The following TRIO variants were observed in gnomAD, a reference collection of about 807,000 sequenced individuals.
TRIO encodes trio Rho guanine nucleotide exchange factor.
In TRIO, 58 loss-of-function variants were observed where a neutral mutation model predicts 351.9. The observed-to-expected ratio is 0.16, with a 90% CI of 0.13 to 0.21. The LOEUF (loss-of-function observed/expected upper bound fraction) is 0.21, where lower values mean the gene tolerates loss of function less well. TRIO is among the 10% of genes least tolerant of loss of function. The probability of loss-of-function intolerance (pLI) is 1.00; values close to 1 mark genes in which losing one functional copy is unlikely to be tolerated. For synonymous variants in TRIO, 1,758 were observed against 1,595.7 expected, an observed-to-expected ratio of 1.10 and a Z score of -2.42; for missense variants, 3,201 against 4,027.8, an observed-to-expected ratio of 0.79 and a Z score of 5.56.
chr5:14,200,445 T>G (rs1387180817), intron 1 of TRIO, among the ~76,000 whole-genome samples: 7 of 152,252 alleles, frequency 4.6e-5, no homozygotes, highest in Non-Finnish European at 8.8e-5. Context: ...GTCTCCCCTG[T>G]AAGACAGGCA....
In TRIO at chr5:14,488,144, A is replaced by T; in HGVS notation, c.7516A>T (p.Ser2506Cys). The stretch of plus-strand genomic sequence containing the variant: ...CGGCTCCTTCACCTTCCCGGGGGAC[A>T]GCGACTCCCTCCAGCGGCAGACACC... ...RPGSFTFPGD[S>C]DSLQRQTPRH... Residue 2506 changes from serine (S) to cysteine (C), a missense_variant, in exon 48 of 57, where the codon AGC becomes TGC. Coordinates refer to ENST00000344204, the MANE Select transcript of TRIO (RefSeq NM_007118.4). The T allele has an allele frequency of 6.2e-7, 1 of 1,607,450 alleles. No individual in the cohort carries two copies. The highest frequency in any genetic ancestry group is 8.5e-7 in the Non-Finnish European group (1 of 1,179,440).
chr5:14,406,966 T>C (rs1026967845), intron 33 of TRIO, among the ~76,000 whole-genome samples: 2 of 152,118 alleles, frequency 1.3e-5, no homozygotes, highest in Non-Finnish European at 2.9e-5. Context: ...TTTAATCTTA[T>C]TCCTAAGCAG....
At chr5:14,343,855 A>C (rs1343917376) in intron 11 of TRIO, among the ~76,000 whole-genome samples, 2 of 152,228 alleles carry the variant, frequency 1.3e-5, no homozygotes, top group African/African-American at 2.4e-5. Context: ...TGTTTTCCAG[A>C]ATGAGCGTAC....
chr5:14,310,116 A>G (rs1340085318), intron 8 of TRIO, among the ~76,000 whole-genome samples: 2 of 152,248 alleles, frequency 1.3e-5, no homozygotes, highest in African/African-American at 4.8e-5. Flanking sequence ...CTTGTTGGCT[A>G]CAGTTGATCA....
chr5:14,476,132 A>G (rs1326342659), intron 40 of TRIO, among the ~76,000 whole-genome samples: 1 of 152,258 alleles, frequency 6.6e-6, no homozygotes, highest in Admixed American at 6.5e-5. Flanking sequence ...TTAGTTTTGT[A>G]TATCTGCTGT....
chr5:14,209,594 C>T (rs1791756215), intron 1 of TRIO, among the ~76,000 whole-genome samples: 1 of 152,156 alleles, frequency 6.6e-6, no homozygotes, highest in Non-Finnish European at 1.5e-5. Context: ...CTTGAGTTGA[C>T]TCTTCTGTAT....
chr5:14,303,906 G>A (rs1738140170), intron 7 of TRIO, among the ~76,000 whole-genome samples: 1 of 152,146 alleles, frequency 6.6e-6, no homozygotes, highest in Non-Finnish European at 1.5e-5. Flanking sequence ...AATTTCCTTT[G>A]AAACAGTAGC....
Position 14,378,031 on chromosome 5 carries a change from C to G in TRIO, c.3351C>G (p.Phe1117Leu). 6.2e-7 allele frequency: 1 copy of G among 1,612,830 alleles called. No individual in the cohort carries two copies. The highest frequency in any genetic ancestry group is 8.5e-7 in the Non-Finnish European group (1 of 1,179,508). Residue 1117 changes from phenylalanine to leucine, a missense_variant, in exon 20 of 57, where the codon TTC becomes TTG. Coordinates refer to ENST00000344204, the MANE Select transcript of TRIO (RefSeq NM_007118.4). Reference protein sequence around the residue: ...QQVKNILNELFQRENRVLHYW... With the variant: ...QQVKNILNELLQRENRVLHYW... ...TCTCAGATATCTTGAATGAACTCTT[C>G]CAACGGGAGAACAGGGTATTGCATT...
intron 34 of TRIO, among the ~76,000 whole-genome samples, chr5:14,442,861 T>C (rs114105546): frequency 1.4e-4 from 21 of 152,328 alleles, no homozygotes; most frequent in Non-Finnish European, 2.5e-4. Flanking sequence ...TTACCTTCTC[T>C]CTCTGAACTT....
At chr5:14,435,396 T>C (rs1324028477) in intron 34 of TRIO, among the ~76,000 whole-genome samples, 1 of 152,182 alleles carries the variant, frequency 6.6e-6, no homozygotes, top group Non-Finnish European at 1.5e-5. Context: ...AGGGACCCCC[T>C]TTCACCTCAC....
At chr5:14,174,756 C>G (rs768992729) in intron 1 of TRIO, among the ~76,000 whole-genome samples, 8 of 152,172 alleles carry the variant, frequency 5.3e-5, no homozygotes, top group Non-Finnish European at 7.3e-5. Flanking sequence ...GGATTTTAGT[C>G]TACAGTCGAG....
intron 34 of TRIO, among the ~76,000 whole-genome samples, chr5:14,457,052 T>A (rs1753366615): frequency 6.6e-6 from 1 of 151,944 alleles, no homozygotes; most frequent in Non-Finnish European, 1.5e-5. Flanking sequence ...CCAGAGAGAG[T>A]CAAATAGCAT....
intron 21 of TRIO, among the ~76,000 whole-genome samples, chr5:14,384,230 C>T (rs760689897): frequency 3.3e-5 from 5 of 152,208 alleles, no homozygotes; most frequent in South Asian, 4.1e-4. Flanking sequence ...GCCTTACTGA[C>T]GCCACAGCCT....
intron 11 of TRIO, among the ~76,000 whole-genome samples, chr5:14,348,519 ATG>A (rs1311664401): frequency 2.6e-5 from 4 of 152,260 alleles, no homozygotes; most frequent in African/African-American, 9.6e-5. Flanking sequence ...GCACGTGAGG[ATG>A]TGTTTTTCCT....
chr5:14,328,199 G>T (rs901721719), intron 9 of TRIO, among the ~76,000 whole-genome samples: 1 of 152,010 alleles, frequency 6.6e-6, no homozygotes, highest in East Asian at 1.9e-4. Flanking sequence ...TTAAAACAAC[G>T]CGCTCAATAC....
intron 1 of TRIO, among the ~76,000 whole-genome samples, chr5:14,156,016 A>G (rs566806313): frequency 9.6e-4 from 146 of 152,214 alleles, no homozygotes; most frequent in Admixed American, 2.0e-3. Context: ...AGCTTTCCTT[A>G]TCTTCCACTT....
chr5:14,450,162 C>T (rs960139040), intron 34 of TRIO, among the ~76,000 whole-genome samples: 3 of 152,154 alleles, frequency 2.0e-5, no homozygotes, highest in African/African-American at 7.2e-5. Context: ...GTGAGATCGA[C>T]GCGGCCGGCC....
intron 11 of TRIO, among the ~76,000 whole-genome samples, chr5:14,339,489 T>G (rs1398273691): frequency 6.6e-6 from 1 of 152,222 alleles, no homozygotes. Context: ...AAGGACTAAG[T>G]GGTTCACTTT....
At chr5:14,285,710 T>A (rs2152280791) in intron 3 of TRIO, among the ~76,000 whole-genome samples, 1 of 152,304 alleles carries the variant, frequency 6.6e-6, no homozygotes, top group Non-Finnish European at 1.5e-5. Flanking sequence ...CAGAAAAATG[T>A]CAAATGTCTT....
Sources: gnomAD v4.1 joint callset for allele counts (sites outside exome capture counted in the v4.1 genomes callset) on GRCh38, gnomAD v4.1.1 for gene constraint, MANE v1.5 for transcripts, NCBI Gene and HGNC (gene_info 2026-07-23, HGNC 2026-07-21) for gene names.